The following LARS1 variants were observed in gnomAD, a reference collection of about 807,000 sequenced individuals.
LARS1 encodes leucyl-tRNA synthetase 1, also known as leucine--tRNA ligase, cytoplasmic.
LARS1 carries 100 observed loss-of-function variants against 162.8 expected under a neutral mutation model. The observed-to-expected ratio is 0.61, with a 90% CI of 0.52 to 0.73. The LOEUF (loss-of-function observed/expected upper bound fraction) is 0.73. Ranked by LOEUF, LARS1 falls within the 30% of genes least tolerant of loss-of-function variation. LARS1 has a pLI of 0.00. For missense variants in LARS1, 1,258 were observed against 1,408.9 expected (o/e 0.89, Z 1.71); for synonymous variants, 457 against 462.8 (o/e 0.99, Z 0.16).
At chr5:146,159,663 C>T (rs376369127) in intron 7 of LARS1, among the ~76,000 whole-genome samples, 193 bp from the exon 8 acceptor site, 2 of 151,962 alleles carry the variant, frequency 1.3e-5, no homozygotes, top group Non-Finnish European at 2.9e-5. Context: ...TTTCTATCTT[C>T]GTCAAAGGTA....
intron 8 of LARS1, 31 bp from the exon 9 acceptor site, chr5:146,157,826 G>C: frequency 6.2e-7 from 1 of 1,600,544 alleles, no homozygotes; most frequent in South Asian, 1.1e-5. Flanking sequence ...AAAATTTGAA[G>C]GAAAAAAAAG....
At chr5:146,158,566 A>G (rs1249454314) in intron 8 of LARS1, among the ~76,000 whole-genome samples, 1 of 152,226 alleles carries the variant, frequency 6.6e-6, no homozygotes, top group East Asian at 1.9e-4. Context: ...TCAGAGAATA[A>G]TGTTAATAAT....
At chr5:146,181,381 C>CAA (rs754114707) in intron 1 of LARS1, among the ~76,000 whole-genome samples, 1 of 133,584 alleles carries the variant, frequency 7.5e-6, no homozygotes, top group Non-Finnish European at 1.6e-5. Context: ...AAACAAAAAA[C>CAA]AAAAAAAAAT....
Position 146,122,560 on chromosome 5 carries a change from A to G in LARS1, c.3124T>C (p.Ser1042Pro), listed in dbSNP as rs1205713717. Residue 1042 changes from serine to proline, a missense_variant, in exon 30 of 32, where the codon TCC becomes CCC. Physicochemically the swap from Ser to Pro is moderately conservative, Grantham distance 74. Coordinates refer to ENST00000394434, the MANE Select transcript of LARS1 (RefSeq NM_020117.11). ...ELEHIEVKFA[S>P]EAEDKIREDC... ...TCCCTGATTTTATCTTCTGCTTCGG[A>G]GGCAAACTTGACTTCTATGTGTTCT... 1.2e-6 allele frequency: 2 copies of G among 1,609,896 alleles called. No individual in the cohort carries two copies. The highest frequency in any genetic ancestry group is 1.1e-5 in the South Asian group (1 of 90,732).
In LARS1 at chr5:146,130,004, A is replaced by G. The variant is rs764452937; in HGVS notation, c.2628+14T>C. On this transcript the variant is annotated intron_variant, in intron 25 of 31. Coordinates refer to ENST00000394434, the MANE Select transcript of LARS1 (RefSeq NM_020117.11). ...ATCAAAACCACTCGAAACATTTTAA[A>G]TGCATGAAGGTACCTTTCCCAGGAG... is the stretch of plus-strand genomic sequence containing the variant. The G allele has an allele frequency of 6.3e-7, 1 of 1,591,820 alleles. No individual in the cohort carries two copies. Among genetic ancestry groups the G allele is most frequent in the South Asian group, 1.1e-5 (1 of 87,950 alleles).
At chr5:146,159,497 CATTATTATAAT>C (rs763606393) in intron 7 of LARS1, 27 bp from the exon 8 acceptor site, 5 of 1,538,034 alleles carry the variant, frequency 3.3e-6, no homozygotes, top group East Asian at 2.3e-5. Context: ...AAGTGACAAA[CATTATTATAAT>C]ATTCACGTTT....
chr5:146,124,462 A>C (rs1405527850), intron 28 of LARS1, among the ~76,000 whole-genome samples: 5 of 150,434 alleles, frequency 3.3e-5, no homozygotes, highest in East Asian at 3.9e-4. Flanking sequence ...TAAGTTACCC[A>C]AAAAAAACAA....
chr5:146,181,848 C>CTTTGTTTTT (rs1754863882), intron 1 of LARS1, among the ~76,000 whole-genome samples: 1 of 53,030 alleles, frequency 1.9e-5, no homozygotes, highest in Non-Finnish European at 3.3e-5. Context: ...TCAATTTTTT[C>CTTTGTTTTT]TTTTTTTTTT....
In LARS1 at chr5:146,126,471, G is replaced by C. The variant is rs769942290; in HGVS notation, c.2955C>G (p.Tyr985Ter). Residue 985 changes from tyrosine (Y) to a stop codon, truncating the protein, a stop_gained, in exon 28 of 32, where the codon TAC (tyrosine) becomes TAG (stop). Coordinates refer to ENST00000394434, the MANE Select transcript of LARS1 (RefSeq NM_020117.11). LOFTEE classifies it high-confidence loss of function. ...CAACAAATGGCATGACTTTCTTCAT[G>C]TATTTCTTCAGTTCTGGCATACTGC... ...ELGSMPELKK[Y>*]MKKVMPFVAM... The C allele has an allele frequency of 6.8e-6, 11 of 1,612,048 alleles. No individual in the cohort carries two copies. Among genetic ancestry groups the C allele is most frequent in the Non-Finnish European group, 9.3e-6 (11 of 1,178,574 alleles).
At chr5:146,168,880 G>A (rs1561493650) in intron 4 of LARS1, among the ~76,000 whole-genome samples, 3 of 151,478 alleles carry the variant, frequency 2.0e-5, no homozygotes, top group Non-Finnish European at 4.4e-5. Context: ...TTATCATTTT[G>A]GATAACATTA....
chr5:146,175,141 C>T (rs912679658), intron 2 of LARS1, among the ~76,000 whole-genome samples: 1 of 152,008 alleles, frequency 6.6e-6, no homozygotes, highest in South Asian at 2.1e-4. Context: ...ATCACCTGAG[C>T]CCAGGAGACA....
At chr5:146,158,113 T>C (rs995841190) in intron 8 of LARS1, among the ~76,000 whole-genome samples, 7 of 152,204 alleles carry the variant, frequency 4.6e-5, no homozygotes, top group Non-Finnish European at 8.8e-5. Context: ...AGGTCAGAGA[T>C]AATGTGCTTT....
chr5:146,117,258 A>T (rs1275647475), intron 31 of LARS1, among the ~76,000 whole-genome samples: 1 of 152,086 alleles, frequency 6.6e-6, no homozygotes, highest in African/African-American at 2.4e-5. Context: ...TAGATTTAAC[A>T]TAATATAATA....
In LARS1 at chr5:146,131,044, A is replaced by G. The variant is rs746995255; in HGVS notation, c.2462T>C (p.Leu821Ser). 1.3e-6 allele frequency: 2 copies of G among 1,596,430 alleles called. No homozygotes were observed. Among genetic ancestry groups the G allele is most frequent in the Non-Finnish European group, 1.7e-6 (2 of 1,168,782 alleles). The stretch of plus-strand genomic sequence containing the variant: ...CTGAAACTCAAAAAACCCTGTTTTC[A>G]AAGCTTCTTTAAACATCATCTTTTC... ...NYEKMMFKEA[L>S]KTGFFEFQAA... Residue 821 changes from leucine to serine, a missense_variant, in exon 24 of 32, where the codon TTG (leucine) becomes TCG (serine). Physicochemically the swap from Leu to Ser is moderately radical, Grantham distance 145. Transcript: ENST00000394434.
At chr5:146,123,871 A>T in intron 29 of LARS1, 111 bp downstream of exon 29, 1 of 516,856 alleles carries the variant, frequency 1.9e-6, no homozygotes, top group African/African-American at 1.9e-5. Context: ...TATTTAACAA[A>T]GATACTAAAC....
chr5:146,123,040 T>A (rs1751894349), intron 29 of LARS1, among the ~76,000 whole-genome samples: 1 of 151,970 alleles, frequency 6.6e-6, no homozygotes, highest in Non-Finnish European at 1.5e-5. Context: ...AGTGAAAAGA[T>A]CCAAGAAGTT....
rs1359697724 is a variant in LARS1, at chr5:146,140,256, T to C, written c.2096A>G (p.Lys699Arg). 3 of 1,609,324 alleles carry C rather than the reference T, an allele frequency of 1.9e-6. No homozygotes were observed. Among genetic ancestry groups the C allele is most frequent in the Non-Finnish European group, 2.6e-6 (3 of 1,175,560 alleles). ...ATTTGCTCTCACAGCTGTAGGCCATTTGTCACTTCACAGATAAATGTTTAA... is the reference window on the plus strand; with the variant it reads ...ATTTGCTCTCACAGCTGTAGGCCATCTGTCACTTCACAGATAAATGTTTAA... The part of the protein sequence containing the change: ...HVAMWPEQSD[K>R]WPTAVRANGH... Residue 699 changes from lysine to arginine, a missense_variant, in exon 21 of 32, where the codon AAA (lysine) becomes AGA (arginine). By Grantham distance (26) the Lys-to-Arg change is conservative. Transcript: ENST00000394434.
At chr5:146,144,563 T>G in intron 16 of LARS1, 26 bp from the exon 17 acceptor site, 1 of 1,613,532 alleles carries the variant, frequency 6.2e-7, no homozygotes, top group Non-Finnish European at 8.5e-7. Flanking sequence ...TTGATATGTT[T>G]TTTTTTAAGT....
At chr5:146,181,911 C>G (rs1380838530) in intron 1 of LARS1, among the ~76,000 whole-genome samples, 4 of 123,096 alleles carry the variant, frequency 3.2e-5, no homozygotes, top group Admixed American at 1.9e-4. Flanking sequence ...ACATACTCCT[C>G]TCTCCACCTC....
Sources: gnomAD v4.1 joint callset for allele counts (sites outside exome capture counted in the v4.1 genomes callset) on GRCh38, gnomAD v4.1.1 for gene constraint, MANE v1.5 for transcripts, NCBI Gene and HGNC (gene_info 2026-07-23, HGNC 2026-07-21) for gene names.